Variants in RELN observed in about 807,000 individuals in gnomAD.
The protein encoded by RELN is reelin.
Under a neutral mutation model 427.6 loss-of-function variants are expected in RELN, and 108 were observed. The observed-to-expected ratio is 0.25, with a 90% CI of 0.22 to 0.30. RELN has a LOEUF of 0.30. Among genes scored for constraint, RELN ranks in the 10% least tolerant of loss-of-function variants. The pLI is 1.00. For synonymous variants in RELN, 1,524 were observed against 1,513.4 expected (o/e 1.01, Z -0.16); for missense variants, 3,715 against 4,302.8 (o/e 0.86, Z 3.82).
At chr7:103,897,606 T>C (rs750571568) in intron 2 of RELN, among the ~76,000 whole-genome samples, 1 of 152,090 alleles carries the variant, frequency 6.6e-6, no homozygotes, top group Admixed American at 6.6e-5. Flanking sequence ...TTGGAAAGAC[T>C]TGACAAAAAT....
chr7:103,927,007 A>G (rs912837304), intron 1 of RELN, among the ~76,000 whole-genome samples: 12 of 152,208 alleles, frequency 7.9e-5, no homozygotes, highest in Admixed American at 3.9e-4. Flanking sequence ...GTTCATTTCA[A>G]TATACTAAAA....
intron 6 of RELN, among the ~76,000 whole-genome samples, chr7:103,740,897 T>G (rs1451585997): frequency 6.6e-6 from 1 of 152,220 alleles, no homozygotes; most frequent in Non-Finnish European, 1.5e-5. Context: ...AGCACATTTT[T>G]TCTTTTGAGG....
At chr7:103,933,862 TTTG>T (rs1214794049) in intron 1 of RELN, among the ~76,000 whole-genome samples, 1 of 152,078 alleles carries the variant, frequency 6.6e-6, no homozygotes, top group Non-Finnish European at 1.5e-5. Context: ...CTGTTTTGTT[TTTG>T]TTGTTGTTGT....
chr7:103,923,825 T>A (rs1795667351), intron 1 of RELN, among the ~76,000 whole-genome samples: 1 of 152,150 alleles, frequency 6.6e-6, no homozygotes, highest in Non-Finnish European at 1.5e-5. Flanking sequence ...CTCTAAGAGC[T>A]CTTTACCCTC....
chr7:103,494,887 AATAG>A (rs142524867), intron 57 of RELN, among the ~76,000 whole-genome samples: 2,197 of 152,240 alleles, frequency 0.014, 58 homozygotes, highest in African/African-American at 0.051. Flanking sequence ...CTGGAAAAAA[AATAG>A]ATGGAGAAAA....
intron 3 of RELN, among the ~76,000 whole-genome samples, chr7:103,794,738 G>A (rs570761330): frequency 1.3e-5 from 2 of 152,078 alleles, no homozygotes; most frequent in Non-Finnish European, 2.9e-5. Flanking sequence ...ATCATTCTTT[G>A]CTGTAGGGGG....
Position 103,989,328 on chromosome 7 carries a change from G to C in RELN, c.29C>G (p.Thr10Ser), listed in dbSNP as rs1403460416. The C allele has an allele frequency of 1.3e-6, 2 of 1,582,970 alleles. No homozygotes were observed. Among genetic ancestry groups the C allele is most frequent in the Non-Finnish European group, 1.7e-6 (2 of 1,160,858 alleles). MERSGWARQ[T>S]FLLALLLGAT... is the part of the protein sequence containing the mutation. ...CCCCAGCAACAGCGCTAGGAGGAAA[G>C]TCTGCCGGGCCCAGCCACTGCGCTC... The change falls in exon 1 of 65, where the codon ACT (threonine) becomes AGT (serine). Residue 10 changes from threonine (T) to serine (S), a missense_variant. Physicochemically the swap from Thr to Ser is moderately conservative, Grantham distance 58 (BLOSUM62 1). Coordinates refer to ENST00000428762, the MANE Select transcript of RELN (RefSeq NM_005045.4). The surrounding 1 kb of genome is among the most constrained non-coding windows in gnomAD (Gnocchi z 4.9).
intron 63 of RELN, chr7:103,482,247 A>G (rs1307103104): frequency 1.3e-5 from 2 of 155,352 alleles, no homozygotes; most frequent in African/African-American, 4.8e-5. Context: ...CCGTCGAGAC[A>G]TAAGCATTCC....
intron 51 of RELN, among the ~76,000 whole-genome samples, chr7:103,507,615 TAAAAG>T (rs1829258668): frequency 6.6e-6 from 1 of 151,800 alleles, no homozygotes; most frequent in South Asian, 2.1e-4. Context: ...ACATCAAAAT[TAAAAG>T]AACTAGAGAA....
At chr7:103,727,066 A>G (rs1790229817) in intron 7 of RELN, among the ~76,000 whole-genome samples, 1 of 152,172 alleles carries the variant, frequency 6.6e-6, no homozygotes, top group East Asian at 1.9e-4. Context: ...ATAAAATAAG[A>G]ACCATCTTAC....
chr7:103,833,500 G>A, intron 3 of RELN, 37 bp downstream of exon 3: 6 of 1,590,038 alleles, frequency 3.8e-6, no homozygotes, highest in Non-Finnish European at 5.2e-6. Context: ...CTAAGTATTT[G>A]CCTTCTGTAC....
intron 1 of RELN, among the ~76,000 whole-genome samples, chr7:103,938,813 GAGT>G (rs1318557656): frequency 6.6e-6 from 1 of 152,110 alleles, no homozygotes; most frequent in African/African-American, 2.4e-5. Flanking sequence ...CAGCTTTCGG[GAGT>G]AGATGATTTT....
intron 5 of RELN, among the ~76,000 whole-genome samples, chr7:103,751,196 T>C (rs1216831127): frequency 1.3e-5 from 2 of 152,230 alleles, no homozygotes; most frequent in African/African-American, 2.4e-5. Flanking sequence ...CAGACTGTCT[T>C]TTGGAAAAAT....
At chr7:103,863,142 T>G (rs1333937489) in intron 2 of RELN, among the ~76,000 whole-genome samples, 1 of 152,102 alleles carries the variant, frequency 6.6e-6, no homozygotes, top group African/African-American at 2.4e-5. Flanking sequence ...CCACCAGCAA[T>G]GATCAGCTTG....
At chr7:103,550,935 C>T in intron 41 of RELN, 132 bp downstream of exon 41, 1 of 765,638 alleles carries the variant, frequency 1.3e-6, no homozygotes, top group Non-Finnish European at 2.2e-6. Flanking sequence ...TAAATATCCA[C>T]TGATCTGCTT....
chr7:103,978,165 C>G (rs1454164119), intron 1 of RELN, among the ~76,000 whole-genome samples: 3 of 152,128 alleles, frequency 2.0e-5, no homozygotes, highest in African/African-American at 7.2e-5. Flanking sequence ...TACAATAGAT[C>G]TCTTGAATGT....
In RELN at chr7:103,569,489, T is replaced by C. The variant is rs1830833599; in HGVS notation, c.4588+2695A>G. On this transcript the variant is annotated intron_variant, in intron 31 of 64. Coordinates refer to ENST00000428762, the MANE Select transcript of RELN (RefSeq NM_005045.4). This position sits in a 1 kb window ranked among gnomAD's most constrained non-coding sequence, Gnocchi z 4.0. ...TTGTGGAATAATTTGTTATGTAGCA[T>C]ACCACTCCAATCCTACTAAATCTAA... Among the ~76,000 whole-genome samples the C allele has an allele frequency of 6.6e-6, 1 of 152,248 alleles. No individual in the cohort carries two copies.
rs144275944 is a variant in RELN at position 103,561,776 on chromosome 7, G to A, written c.5351+37C>T. 119 of 1,613,740 alleles carry A rather than the reference G, an allele frequency of 7.4e-5. 1 individual carries two copies. The East Asian group carries it at 2.2e-3, about 30-fold the overall frequency. Reference sequence around the variant, plus strand: ...TTCAACAAGCCATATTTATTTTTGCGTTACAAAGAAAGAAACTGTCAGTTT... The same window carrying A: ...TTCAACAAGCCATATTTATTTTTGCATTACAAAGAAAGAAACTGTCAGTTT... On this transcript the variant is annotated intron_variant, in intron 35 of 64. Coordinates refer to ENST00000428762, the MANE Select transcript of RELN (RefSeq NM_005045.4).
intron 1 of RELN, among the ~76,000 whole-genome samples, chr7:103,980,574 A>G (rs185546004): frequency 2.6e-5 from 4 of 152,332 alleles, no homozygotes; most frequent in African/African-American, 9.6e-5. Context: ...TGGATTCTGG[A>G]GAACTACACA....
Sources: gnomAD v4.1 joint callset for allele counts (sites outside exome capture counted in the v4.1 genomes callset) on GRCh38, gnomAD v4.1.1 for gene constraint, Gnocchi (gnomAD v3.1) non-coding constraint, MANE v1.5 for transcripts, NCBI Gene and HGNC (gene_info 2026-07-23, HGNC 2026-07-21) for gene names.